The following DCC variants were observed in gnomAD, a reference collection of about 807,000 sequenced individuals.
DCC encodes DCC netrin 1 receptor.
In DCC, 58 loss-of-function variants were observed where a neutral mutation model predicts 172.5. The observed-to-expected ratio is 0.34, with a 90% CI of 0.27 to 0.42. The LOEUF is 0.42. DCC is among the 10% of genes least tolerant of loss of function. The pLI is 1.00. For synonymous variants in DCC, 709 were observed against 644.5 expected (o/e 1.10, Z -1.52); for missense variants, 1,740 against 1,791.0 (o/e 0.97, Z 0.51).
chr18:53,427,407 T>C (rs765813602), intron 21 of DCC, among the ~76,000 whole-genome samples: 2 of 152,162 alleles, frequency 1.3e-5, no homozygotes, highest in Non-Finnish European at 1.5e-5. Flanking sequence ...CTTTATGTTT[T>C]ATTCTATTAA....
chr18:53,508,585 T>A (rs748542052), intron 27 of DCC, among the ~76,000 whole-genome samples: 35 of 152,204 alleles, frequency 2.3e-4, no homozygotes, highest in Non-Finnish European at 4.8e-4. Context: ...AGAATATAGT[T>A]ATTTGTTTAT....
intron 1 of DCC, among the ~76,000 whole-genome samples, chr18:52,697,363 G>A (rs190286823): frequency 1.1e-4 from 17 of 152,278 alleles, no homozygotes; most frequent in African/African-American, 4.1e-4. Context: ...TGACGATGAT[G>A]TGTTCATGGC....
At chr18:53,081,680 T>A (rs565760624) in intron 7 of DCC, among the ~76,000 whole-genome samples, 7 of 152,172 alleles carry the variant, frequency 4.6e-5, no homozygotes, top group African/African-American at 1.7e-4. Flanking sequence ...TGAAGATGAA[T>A]CCAGAGGTAC....
chr18:52,584,248 A>G (rs114094591), intron 1 of DCC, among the ~76,000 whole-genome samples: 80 of 152,362 alleles, frequency 5.3e-4, no homozygotes, highest in African/African-American at 1.9e-3. Flanking sequence ...CTTCTAGCCC[A>G]GCACTTTGGT....
chr18:52,371,180 A>G lies in DCC; in HGVS notation c.91+30302A>G, dbSNP rs186120024. Among the ~76,000 whole-genome samples, 4 of 152,266 alleles carry G rather than the reference A, an allele frequency of 2.6e-5. No homozygotes were observed. The East Asian group carries it at 7.7e-4, about 29-fold the overall frequency. ...TTAAAAAAAAAAATCATACTAGTCT[A>G]TCACTTCTTGAAACTGGTATTTTTA... On this transcript the variant is annotated intron_variant, in intron 1 of 28. Coordinates refer to ENST00000442544, the MANE Select transcript of DCC (RefSeq NM_005215.4).
chr18:53,035,168 G>GTGTT (rs2042076454), intron 5 of DCC, among the ~76,000 whole-genome samples: 1 of 151,700 alleles, frequency 6.6e-6, no homozygotes, highest in Admixed American at 6.6e-5. Context: ...ATCTGTGTGT[G>GTGTT]TGTGTGTGTG....
At chr18:52,483,082 T>G (rs138169831) in intron 1 of DCC, among the ~76,000 whole-genome samples, 137 of 152,290 alleles carry the variant, frequency 9.0e-4, no homozygotes, top group African/African-American at 3.1e-3. Flanking sequence ...TTTGGCTTGC[T>G]GTTATATAAC....
chr18:52,793,815 T>C (rs1459469903), intron 2 of DCC, among the ~76,000 whole-genome samples: 2 of 152,212 alleles, frequency 1.3e-5, no homozygotes, highest in African/African-American at 4.8e-5. Flanking sequence ...TTTTTGTATG[T>C]GGCAAGAGAT....
chr18:52,752,412 C>T (rs375185360), intron 2 of DCC, 38 bp downstream of exon 2: 4 of 1,445,284 alleles, frequency 2.8e-6, no homozygotes, highest in African/African-American at 1.4e-5. Context: ...CTCCTCCTTC[C>T]TCTCTTCTTC....
At chr18:52,584,617 T>C (rs1038340008) in intron 1 of DCC, among the ~76,000 whole-genome samples, 1 of 152,116 alleles carries the variant, frequency 6.6e-6, no homozygotes, top group East Asian at 1.9e-4. Flanking sequence ...ATTATAACCC[T>C]GGGCAAGTTA....
At chr18:53,075,488 T>G (rs952807192) in intron 7 of DCC, among the ~76,000 whole-genome samples, 1 of 151,958 alleles carries the variant, frequency 6.6e-6, no homozygotes, top group Non-Finnish European at 1.5e-5. Flanking sequence ...CTTGATAGAT[T>G]CATAAATATT....
At chr18:53,183,584 A>G (rs975708412) in intron 9 of DCC, among the ~76,000 whole-genome samples, 2 of 152,126 alleles carry the variant, frequency 1.3e-5, no homozygotes, top group African/African-American at 4.8e-5. Flanking sequence ...TGGGAAGCCT[A>G]TTTGCAAGAC....
chr18:52,651,124 T>A (rs930256800), intron 1 of DCC, among the ~76,000 whole-genome samples: 5 of 152,232 alleles, frequency 3.3e-5, no homozygotes, highest in Non-Finnish European at 7.3e-5. Context: ...TTTACATGTA[T>A]GTATTTATTA....
chr18:53,424,634 A>G (rs1339782462), intron 21 of DCC, among the ~76,000 whole-genome samples: 2 of 119,266 alleles, frequency 1.7e-5, no homozygotes, highest in Non-Finnish European at 4.3e-5. Context: ...AATGCAAACT[A>G]TTACCGGGGG....
intron 1 of DCC, among the ~76,000 whole-genome samples, chr18:52,661,491 A>G (rs1292079793): frequency 6.6e-6 from 1 of 152,220 alleles, no homozygotes; most frequent in Non-Finnish European, 1.5e-5. Flanking sequence ...GAGATCCCAC[A>G]GCCGTCGCTA....
chr18:52,751,895 T>C (rs2037000291), intron 1 of DCC, 159 bp from the exon 2 acceptor site: 1 of 641,918 alleles, frequency 1.6e-6, no homozygotes, highest in African/African-American at 1.8e-5. Context: ...CTTTTTTGCT[T>C]ATTTAACATA....
At chr18:52,682,463 TGAA>T (rs1266377141) in intron 1 of DCC, among the ~76,000 whole-genome samples, 7 of 151,990 alleles carry the variant, frequency 4.6e-5, no homozygotes, top group Admixed American at 6.6e-5. Flanking sequence ...TCCAGGAACG[TGAA>T]GAAGAATAGT....
chr18:52,918,881 A>G (rs2040078360), intron 3 of DCC, among the ~76,000 whole-genome samples: 1 of 152,164 alleles, frequency 6.6e-6, no homozygotes, highest in Non-Finnish European at 1.5e-5. Flanking sequence ...TTTCATTTTT[A>G]TGTATATATT....
At chr18:52,784,860 T>C (rs2037623941) in intron 2 of DCC, among the ~76,000 whole-genome samples, 1 of 144,068 alleles carries the variant, frequency 6.9e-6, no homozygotes, top group African/African-American at 2.6e-5. Context: ...AAGTAGAAAA[T>C]TTAATAGAAT....
Sources: gnomAD v4.1 joint callset for allele counts (sites outside exome capture counted in the v4.1 genomes callset) on GRCh38, gnomAD v4.1.1 for gene constraint, MANE v1.5 for transcripts, NCBI Gene and HGNC (gene_info 2026-07-23, HGNC 2026-07-21) for gene names.